ARHGAP39: variants seen among roughly 807,000 people sequenced by gnomAD.
ARHGAP39 encodes Rho GTPase activating protein 39, also known as rho GTPase-activating protein 39.
A neutral mutation model predicts 106.9 loss-of-function variants in ARHGAP39; 44 were observed. That is an observed-to-expected ratio of 0.41 (90% CI 0.32 to 0.53). The LOEUF (loss-of-function observed/expected upper bound fraction) is 0.53. Among genes scored for constraint, ARHGAP39 ranks in the 20% least tolerant of loss-of-function variants. The pLI is 0.21. For synonymous variants in ARHGAP39, 768 were observed against 693.2 expected (o/e 1.11, Z -1.69); for missense variants, 1,496 against 1,577.3 (o/e 0.95, Z 0.87).
chr8:144,660,571 C>A (rs774867364), intron 1 of ARHGAP39, among the ~76,000 whole-genome samples: 2 of 152,338 alleles, frequency 1.3e-5, no homozygotes, highest in South Asian at 4.1e-4. Context: ...CCGTGCTCAG[C>A]AGCCACACAT....
chr8:144,664,754 G>T (rs1442457208), intron 1 of ARHGAP39, among the ~76,000 whole-genome samples: 1 of 152,206 alleles, frequency 6.6e-6, no homozygotes, highest in Non-Finnish European at 1.5e-5. Flanking sequence ...CATGTAAGAA[G>T]TGCCTTTCAC....
chr8:144,609,368 T>C (rs1014062838), intron 1 of ARHGAP39, among the ~76,000 whole-genome samples: 4 of 151,470 alleles, frequency 2.6e-5, no homozygotes, highest in Admixed American at 6.6e-5. Flanking sequence ...ATTCCTTGTA[T>C]AAATGCCAAT....
chr8:144,643,186 G>A (rs1017953963), intron 1 of ARHGAP39, among the ~76,000 whole-genome samples: 3 of 152,114 alleles, frequency 2.0e-5, no homozygotes, highest in Admixed American at 1.3e-4. Flanking sequence ...TTAAGAGATG[G>A]TGTGGTGGCT....
chr8:144,602,979 G>T (rs1352980399), intron 2 of ARHGAP39, among the ~76,000 whole-genome samples: 3 of 138,504 alleles, frequency 2.2e-5, no homozygotes, highest in Non-Finnish European at 4.5e-5. Flanking sequence ...GCGAGCTCGT[G>T]TACCTGTGTG....
chr8:144,593,163 T>C (rs1819470687), intron 2 of ARHGAP39, among the ~76,000 whole-genome samples: 1 of 152,160 alleles, frequency 6.6e-6, no homozygotes, highest in Non-Finnish European at 1.5e-5. Flanking sequence ...AGCCCCTGTT[T>C]CTTGGAGATG....
intron 1 of ARHGAP39, among the ~76,000 whole-genome samples, chr8:144,611,452 C>A (rs2130955646): frequency 6.6e-6 from 1 of 152,302 alleles, no homozygotes; most frequent in South Asian, 2.1e-4. Flanking sequence ...TCAGGAGAGT[C>A]CCAACTACAA....
chr8:144,562,305 G>GGCTCCAGTGGTTTCCATCAC (rs1271122039), intron 3 of ARHGAP39, among the ~76,000 whole-genome samples: 6 of 61,554 alleles, frequency 9.7e-5, no homozygotes, highest in Admixed American at 2.3e-4. Context: ...GTTTCCATCG[G>GGCTCCAGTGGTTTCCATCAC]GCTCCAGTGG....
At chr8:144,614,354 AT>A (rs553972832) in intron 1 of ARHGAP39, among the ~76,000 whole-genome samples, 2,115 of 136,510 alleles carry the variant, frequency 0.015, 24 homozygotes, top group African/African-American at 0.038. Context: ...TCCTGTTACT[AT>A]TTTTTTTTTT....
At position 144,644,195 on chromosome 8, in the gene ARHGAP39, C is replaced by T. The variant is rs1226817824; in HGVS notation, c.-81-38500G>A. Among the ~76,000 whole-genome samples the T allele has an allele frequency of 1.3e-5, 2 of 152,094 alleles. No homozygotes were observed. The highest frequency in any genetic ancestry group is 4.8e-5 in the African/African-American group (2 of 41,384). On this transcript the variant is annotated intron_variant, in intron 1 of 11. Transcript: ENST00000377307. This position sits in a 1 kb window ranked among gnomAD's most constrained non-coding sequence, Gnocchi z 4.8. The stretch of plus-strand genomic sequence containing the variant: ...CCACCAGACGATGGGGGAGAAAAGA[C>T]GGTGGACCCACTCAATGCGATGCTT...
chr8:144,547,610 G>A lies in ARHGAP39; in HGVS notation c.1476C>T (p.Arg492=). 1 of 1,487,848 alleles carries A rather than the reference G, an allele frequency of 6.7e-7. No homozygotes were observed. Among genetic ancestry groups the A allele is most frequent in the Non-Finnish European group, 8.9e-7 (1 of 1,121,046 alleles). The allele number at this position is 1,487,848 out of a possible 1,614,324, so 92.2% of individuals were successfully genotyped here. A position where few individuals can be genotyped will look rare whatever the true frequency, so the allele number is the denominator to read the frequency against. The change falls in exon 5 of 12, where the codon CGC becomes CGT. Residue 492 remains arginine (R), a synonymous_variant. Coordinates refer to ENST00000377307, the MANE Select transcript of ARHGAP39 (RefSeq NM_025251.3). The surrounding 1 kb of genome is among the most constrained non-coding windows in gnomAD (Gnocchi z 5.2). ...AAGAGGGCTTTCTGCTCTTCCGCTT[G>A]CGCGTGCCCGGGGAGTAGCCTGTGG... is the stretch of plus-strand genomic sequence containing the variant. ...LSSTGYSPGT[R]KRKSRKPSLC...
Position 144,539,288 on chromosome 8 carries a change from A to C in ARHGAP39, c.2522-1475T>G, listed in dbSNP as rs115429803. 4.1e-3 allele frequency among the ~76,000 whole-genome samples: 619 copies of C among 152,242 alleles called. 5 individuals carry two copies. Among genetic ancestry groups the C allele is most frequent in the African/African-American group, 0.015 (603 of 41,538 alleles). On this transcript the variant is annotated intron_variant, in intron 6 of 11. Coordinates refer to ENST00000377307, the MANE Select transcript of ARHGAP39 (RefSeq NM_025251.3). ...CTGTCTCCTCAACATACAGAGCTAA[A>C]CATGGCCTCTAACTTGATTCCACTA...
chr8:144,551,037 G>A (rs537368700), intron 4 of ARHGAP39, among the ~76,000 whole-genome samples: 5 of 152,236 alleles, frequency 3.3e-5, no homozygotes, highest in South Asian at 2.1e-4. Context: ...GAAAACCCTC[G>A]GTCAATGCGA....
At chr8:144,666,860 C>A (rs1563730421) in intron 1 of ARHGAP39, among the ~76,000 whole-genome samples, 1 of 152,144 alleles carries the variant, frequency 6.6e-6, no homozygotes, top group Non-Finnish European at 1.5e-5. Context: ...TTCAAAGCGA[C>A]CCAAACAGGC....
At chr8:144,597,958 C>T (rs1007078304) in intron 2 of ARHGAP39, among the ~76,000 whole-genome samples, 4 of 152,136 alleles carry the variant, frequency 2.6e-5, no homozygotes, top group African/African-American at 9.7e-5. Context: ...AAGAAAAGGC[C>T]GGAGGAGATT....
chr8:144,614,685 G>A (rs1000721906), intron 1 of ARHGAP39, among the ~76,000 whole-genome samples: 9 of 152,160 alleles, frequency 5.9e-5, no homozygotes, highest in African/African-American at 2.2e-4. Flanking sequence ...TTTGGATCCA[G>A]ATACTTGGAA....
chr8:144,547,888 A>G lies in ARHGAP39; in HGVS notation c.1198T>C (p.Tyr400His), dbSNP rs1308139922. The G allele has an allele frequency of 1.9e-6, 3 of 1,584,022 alleles. No individual in the cohort carries two copies. In the African/African-American group the frequency reaches 4.0e-5, roughly 21 times the overall value. ...GGGCTGGAGCCCGCCTGCTCCACGT[A>G]GACCAGCTGCCGCACGTACTCCTTG... ...AGKEYVRQLV[Y>H]VEQAGSSPKL... is the part of the protein sequence containing the mutation. The change falls in exon 5 of 12, where the codon TAC becomes CAC. Residue 400 changes from tyrosine (Y) to histidine (H), a missense_variant. Tyr to His is a moderately conservative substitution (Grantham distance 83). This residue lies in a region of ARHGAP39 where 905 missense variants were observed against 816.4 expected (regional missense o/e 1.11). Coordinates refer to ENST00000377307, the MANE Select transcript of ARHGAP39 (RefSeq NM_025251.3). The surrounding 1 kb of genome is among the most constrained non-coding windows in gnomAD (Gnocchi z 5.2).
intron 3 of ARHGAP39, among the ~76,000 whole-genome samples, chr8:144,561,196 G>C (rs758500824): frequency 6.7e-6 from 1 of 149,376 alleles, no homozygotes; most frequent in Admixed American, 6.7e-5. Context: ...AGTTTCCATC[G>C]GACTCACCCC....
rs139856986 is a variant in ARHGAP39 at position 144,670,061 on chromosome 8, A to T, written c.-82+15625T>A. Among the ~76,000 whole-genome samples, 186 of 152,388 alleles carry T rather than the reference A, an allele frequency of 1.2e-3. 3 individuals are homozygous for T. The highest frequency in any genetic ancestry group is 7.8e-4 in the Admixed American group (12 of 15,308). On this transcript the variant is annotated intron_variant, in intron 1 of 11. Transcript: ENST00000377307. The surrounding 1 kb of genome is among the most constrained non-coding windows in gnomAD (Gnocchi z 4.4). ...AACTCAAAATGCCCAGCAATGGATG[A>T]AAGTCTAAAGGAAACGGGGTTGACC...
intron 3 of ARHGAP39, among the ~76,000 whole-genome samples, chr8:144,577,100 C>T (rs901443507): frequency 6.6e-6 from 1 of 152,216 alleles, no homozygotes; most frequent in Non-Finnish European, 1.5e-5. Flanking sequence ...AGTATCATCT[C>T]CTTTGGGAAA....
Sources: gnomAD v4.1 joint callset for allele counts (sites outside exome capture counted in the v4.1 genomes callset) on GRCh38, gnomAD v4.1.1 for gene constraint, gnomAD v4.1.1 regional missense constraint, Gnocchi (gnomAD v3.1) non-coding constraint, MANE v1.5 for transcripts, NCBI Gene and HGNC (gene_info 2026-07-23, HGNC 2026-07-21) for gene names.